Variants in CCNY observed in about 807,000 individuals in gnomAD.
CCNY encodes the protein cyclin-Y.
A neutral mutation model predicts 42.8 loss-of-function variants in CCNY; 19 were observed. The observed-to-expected ratio is 0.44, with a 90% CI of 0.31 to 0.65. The LOEUF (loss-of-function observed/expected upper bound fraction) is 0.65, where lower values mean the gene tolerates loss of function less well. Among genes scored for constraint, CCNY ranks in the 30% least tolerant of loss-of-function variants. The pLI, the probability that CCNY is intolerant of heterozygous loss-of-function variation, is 0.07. For synonymous variants in CCNY, 165 were observed against 162.7 expected, an observed-to-expected ratio of 1.01 and a Z score of -0.11; for missense variants, 370 against 437.3, an observed-to-expected ratio of 0.85 and a Z score of 1.37.
intron 3 of CCNY, among the ~76,000 whole-genome samples, chr10:35,280,188 A>G (rs1424643385): frequency 6.6e-6 from 1 of 152,118 alleles, no homozygotes; most frequent in Non-Finnish European, 1.5e-5. Context: ...TTAGCCAAGC[A>G]TGGTGGTGCA....
At chr10:35,438,234 A>G (rs1289795158) in intron 1 of CCNY, among the ~76,000 whole-genome samples, 1 of 149,310 alleles carries the variant, frequency 6.7e-6, no homozygotes, top group East Asian at 2.0e-4. Context: ...CTACAGCCTC[A>G]GCCTCCCAGG....
At chr10:35,390,450 G>C (rs1017825502) in intron 1 of CCNY, among the ~76,000 whole-genome samples, 6 of 152,304 alleles carry the variant, frequency 3.9e-5, no homozygotes, top group Non-Finnish European at 2.9e-5. Flanking sequence ...TTATATCAAA[G>C]CTAGCCCTAA....
Position 35,523,326 on chromosome 10 carries a change from G to A in CCNY, c.366-2638G>A, listed in dbSNP as rs538140832. 5.9e-5 allele frequency among the ~76,000 whole-genome samples: 9 copies of A among 152,332 alleles called. No homozygotes were observed. The East Asian group carries it at 1.3e-3, about 23-fold the overall frequency. On this transcript the variant is annotated intron_variant, in intron 4 of 9. Transcript: ENST00000374704. ...CATCTTACTGCCTAATTAAAAGGGG[G>A]CGCAGTGGGGCAGAGATGCGTTTTT...
chr10:35,253,918 C>T (rs2095713730), intron 3 of CCNY, among the ~76,000 whole-genome samples: 1 of 150,660 alleles, frequency 6.6e-6, no homozygotes. Flanking sequence ...CTCTGTCGCC[C>T]AGGCTGGAGT....
intron 2 of CCNY, among the ~76,000 whole-genome samples, chr10:35,500,870 A>G (rs1167716835): frequency 6.6e-6 from 1 of 151,658 alleles, no homozygotes; most frequent in African/African-American, 2.4e-5. Context: ...TTAGAGCAGT[A>G]TCAATTATGG....
chr10:35,288,122 G>C (rs1565065009), intron 3 of CCNY, among the ~76,000 whole-genome samples: 3 of 152,128 alleles, frequency 2.0e-5, no homozygotes, highest in Admixed American at 6.5e-5. Flanking sequence ...CTTATTACTG[G>C]TATAGGCAGG....
At chr10:35,348,764 G>T (rs1998061) in intron 1 of CCNY, among the ~76,000 whole-genome samples, 43,701 of 152,080 alleles carry the variant, frequency 0.29, 6,576 homozygotes, top group Admixed American at 0.35. Flanking sequence ...CTGGAGAATG[G>T]TTCGGGCTGG....
At chr10:35,426,244 C>A (rs535945364) in intron 1 of CCNY, among the ~76,000 whole-genome samples, 4 of 152,020 alleles carry the variant, frequency 2.6e-5, no homozygotes, top group African/African-American at 9.7e-5. Context: ...TTCACACACA[C>A]ACACACACAA....
intron 3 of CCNY, among the ~76,000 whole-genome samples, chr10:35,504,637 GT>G (rs1402003166): frequency 6.6e-6 from 1 of 152,098 alleles, no homozygotes; most frequent in African/African-American, 2.4e-5. Context: ...TGTTGTTGTT[GT>G]TGTTGTTGTT....
chr10:35,493,938 C>A (rs1839953548), intron 2 of CCNY, among the ~76,000 whole-genome samples: 1 of 152,204 alleles, frequency 6.6e-6, no homozygotes, highest in Admixed American at 6.5e-5. Flanking sequence ...CTTGTCTGTG[C>A]TGACAGCTCC....
intron 3 of CCNY, among the ~76,000 whole-genome samples, chr10:35,326,093 C>T (rs1835877321): frequency 6.6e-6 from 1 of 151,970 alleles, no homozygotes; most frequent in Admixed American, 6.6e-5. Context: ...AATAAATAAA[C>T]TTTACTGAGA....
chr10:35,482,258 C>A (rs1275439616), intron 1 of CCNY, among the ~76,000 whole-genome samples: 3 of 151,962 alleles, frequency 2.0e-5, no homozygotes, highest in Non-Finnish European at 4.4e-5. Context: ...TAAGGATAGC[C>A]CCTTCTGTTT....
Position 35,263,927 on chromosome 10 carries a change from T to A in CCNY, c.-9+13301T>A, listed in dbSNP as rs139884003. ...GCTCCCTCTTCTAAGTGAGAACATGTGGAGTTTTGGTTTTCTGATGCTACG... is the reference window on the plus strand; with the variant it reads ...GCTCCCTCTTCTAAGTGAGAACATGAGGAGTTTTGGTTTTCTGATGCTACG... On this transcript the variant is annotated intron_variant, in intron 3 of 11. Transcript: ENST00000374706. 2.9e-3 allele frequency among the ~76,000 whole-genome samples: 440 copies of A among 152,286 alleles called. 1 individual carries two copies. The highest frequency in any genetic ancestry group is 7.3e-3 in the African/African-American group (304 of 41,564).
intron 3 of CCNY, among the ~76,000 whole-genome samples, chr10:35,275,770 A>T (rs1307067275): frequency 2.0e-5 from 3 of 151,988 alleles, no homozygotes; most frequent in Non-Finnish European, 4.4e-5. Context: ...CTCAAAAAAA[A>T]AAAAGAGTGT....
intron 3 of CCNY, among the ~76,000 whole-genome samples, chr10:35,263,999 AG>A (rs1334226549): frequency 4.7e-4 from 71 of 152,314 alleles, no homozygotes; most frequent in African/African-American, 1.6e-3. Context: ...GTCCCCGCAA[AG>A]GACATGATCT....
intron 1 of CCNY, among the ~76,000 whole-genome samples, chr10:35,442,608 A>G (rs1478520201): frequency 6.6e-6 from 1 of 152,212 alleles, no homozygotes; most frequent in East Asian, 1.9e-4. Context: ...TGAAATACTG[A>G]GATATGAAAC....
At chr10:35,344,509 G>A (rs974997090) in intron 1 of CCNY, among the ~76,000 whole-genome samples, 1 of 152,166 alleles carries the variant, frequency 6.6e-6, no homozygotes, top group Non-Finnish European at 1.5e-5. Flanking sequence ...GGCTAACATG[G>A]TGAAAACTGG....
chr10:35,420,164 T>C (rs2135262046), intron 1 of CCNY, among the ~76,000 whole-genome samples: 1 of 152,328 alleles, frequency 6.6e-6, no homozygotes, highest in South Asian at 2.1e-4. Flanking sequence ...AAGTTTTCAT[T>C]AAGCTGCTAA....
chr10:35,411,381 C>T (rs189618481), intron 1 of CCNY, among the ~76,000 whole-genome samples: 9 of 151,826 alleles, frequency 5.9e-5, no homozygotes, highest in Non-Finnish European at 1.0e-4. Flanking sequence ...GGCATAGTGG[C>T]GCGTGCCTGT....
Sources: gnomAD v4.1 joint callset for allele counts (sites outside exome capture counted in the v4.1 genomes callset) on GRCh38, gnomAD v4.1.1 for gene constraint, MANE v1.5 for transcripts, NCBI Gene and HGNC (gene_info 2026-07-23, HGNC 2026-07-21) for gene names.